CASTOR2: variants seen among roughly 807,000 people sequenced by gnomAD.
CASTOR2 encodes GATS protein like 2.
A neutral mutation model predicts 31.2 loss-of-function variants in CASTOR2; 8 were observed. That is an observed-to-expected ratio of 0.26 (90% confidence interval 0.15 to 0.46). The LOEUF (loss-of-function observed/expected upper bound fraction) is 0.46. Among genes scored for constraint, CASTOR2 ranks in the 20% least tolerant of loss-of-function variants. CASTOR2 has a pLI of 0.99. For missense variants in CASTOR2, 216 were observed against 382.1 expected (o/e 0.57, Z 3.62); for synonymous variants, 162 against 158.7 (o/e 1.02, Z -0.16).
chr7:75,018,862 C>T (rs1804928365), intron 4 of CASTOR2, 110 bp from the exon 5 acceptor site: 5 of 1,524,526 alleles, frequency 3.3e-6, no homozygotes, highest in South Asian at 1.2e-5. Flanking sequence ...GAATGAGTCT[C>T]TTGGGGCCTG....
chr7:75,028,686 G>A lies in CASTOR2; in HGVS notation c.*3987G>A, dbSNP rs1031308266. ...AAGACACCCCTTCCTCCCTCAGCCC[G>A]TCGTCCTAACCCAGCAAAGATCTGG... On this transcript the variant is annotated 3_prime_UTR_variant, in exon 9 of 9. Transcript: ENST00000616305. Among the ~76,000 whole-genome samples, 2 of 152,074 alleles carry A rather than the reference G, an allele frequency of 1.3e-5. No homozygotes were observed. The highest frequency in any genetic ancestry group is 1.9e-4 in the East Asian group (1 of 5,190).
At chr7:74,988,848 A>G (rs1375386892) in intron 1 of CASTOR2, among the ~76,000 whole-genome samples, 9 of 146,404 alleles carry the variant, frequency 6.1e-5, no homozygotes, top group Non-Finnish European at 5.9e-5. Context: ...CGATCTTCTG[A>G]GGCATGCTTT....
At chr7:75,012,761 C>A (rs2131949679) in intron 2 of CASTOR2, among the ~76,000 whole-genome samples, 1 of 152,166 alleles carries the variant, frequency 6.6e-6, no homozygotes, top group East Asian at 1.9e-4. Context: ...GCCTCAGCCT[C>A]CTGAGTAGTT....
chr7:75,022,698 C>A (rs1805034004), intron 7 of CASTOR2, among the ~76,000 whole-genome samples: 1 of 152,156 alleles, frequency 6.6e-6, no homozygotes, highest in Non-Finnish European at 1.5e-5. Context: ...ACTCAGGAGG[C>A]TGAGATGGGA....
rs1805286778 is a variant in CASTOR2, at chr7:75,031,020, G to A, written c.*6321G>A. ...CAGGTCCCAAGACAGGCCAAGGCCAGTGCGGTTTCCCTTCCACTGCCTCAG... is the reference window on the plus strand; with the variant it reads ...CAGGTCCCAAGACAGGCCAAGGCCAATGCGGTTTCCCTTCCACTGCCTCAG... On this transcript the variant is annotated 3_prime_UTR_variant, in exon 9 of 9. Transcript: ENST00000616305. Among the ~76,000 whole-genome samples the A allele has an allele frequency of 6.6e-6, 1 of 152,262 alleles. No homozygotes were observed. The highest frequency in any genetic ancestry group is 1.5e-5 in the Non-Finnish European group (1 of 68,050).
chr7:74,975,863 T>C (rs1554435659), intron 1 of CASTOR2, among the ~76,000 whole-genome samples: 2 of 133,988 alleles, frequency 1.5e-5, no homozygotes, highest in Non-Finnish European at 3.2e-5. Context: ...CCCAGATCCC[T>C]TGCTCTGTAG....
chr7:75,015,554 G>A (rs1804845315), intron 2 of CASTOR2, among the ~76,000 whole-genome samples: 2 of 152,102 alleles, frequency 1.3e-5, no homozygotes, highest in South Asian at 2.1e-4. Context: ...GTGGGAGTAC[G>A]GGCATGAGCC....
chr7:75,020,281 C>A, intron 6 of CASTOR2, 132 bp downstream of exon 6: 1 of 910,406 alleles, frequency 1.1e-6, no homozygotes, highest in South Asian at 1.6e-5. Context: ...CTCGCTCTGT[C>A]GCCCAGGCTG....
At chr7:75,014,602 A>G (rs1198105043) in intron 2 of CASTOR2, among the ~76,000 whole-genome samples, 2 of 152,080 alleles carry the variant, frequency 1.3e-5, no homozygotes, top group African/African-American at 4.8e-5. Flanking sequence ...TCAAAAAAAA[A>G]GGAAGCAACA....
chr7:74,999,601 C>CTT (rs1158456043), intron 1 of CASTOR2, among the ~76,000 whole-genome samples: 1,901 of 45,710 alleles, frequency 0.042, 644 homozygotes, highest in East Asian at 0.15. Flanking sequence ...TCACTCACTG[C>CTT]TTTTTTTTTT....
rs1225629247 is a variant in CASTOR2 at position 75,017,605 on chromosome 7, C to T, written c.192C>T (p.Pro64=). 2.5e-6 allele frequency: 4 copies of T among 1,613,832 alleles called. No homozygotes were observed. In the African/African-American group the frequency reaches 4.0e-5, roughly 16 times the overall value. ...IVDEEGFLEL[P]SSEHLSVADA... ...TTCTGTGTCTCCCTCCAGAGCTGCCCTCCTCGGAGCACCTGAGTGTGGCAG... is the reference window on the plus strand; with the variant it reads ...TTCTGTGTCTCCCTCCAGAGCTGCCTTCCTCGGAGCACCTGAGTGTGGCAG... The change falls in exon 3 of 9, where the codon CCC becomes CCT. Residue 64 remains proline, a synonymous_variant. Transcript: ENST00000616305.
chr7:75,006,079 G>A (rs2131943308), intron 1 of CASTOR2, among the ~76,000 whole-genome samples: 1 of 152,324 alleles, frequency 6.6e-6, no homozygotes, highest in East Asian at 1.9e-4. Context: ...GCAGTGAGCT[G>A]AGATCATGCC....
At chr7:75,017,963 C>T in intron 3 of CASTOR2, 27 bp from the exon 4 acceptor site, 1 of 1,614,188 alleles carries the variant, frequency 6.2e-7, no homozygotes, top group South Asian at 1.1e-5. Flanking sequence ...CCACCAGGCA[C>T]ACACGGCCTC....
chr7:75,017,558 C>T, intron 2 of CASTOR2, 40 bp from the exon 3 acceptor site: 1 of 1,605,542 alleles, frequency 6.2e-7, no homozygotes, highest in East Asian at 2.2e-5. Flanking sequence ...TCATCTGGAA[C>T]CTCAGCAGTC....
chr7:74,981,666 A>G (rs1325265191), intron 1 of CASTOR2, among the ~76,000 whole-genome samples: 41 of 150,524 alleles, frequency 2.7e-4, no homozygotes, highest in Non-Finnish European at 4.6e-4. Flanking sequence ...GGCTCAGACA[A>G]TTCTCCTACC....
rs1160729242 is a variant in CASTOR2, at chr7:74,977,184, CAAAAAAAAAA to C, written c.113+12097_113+12106del. On this transcript the variant is annotated intron_variant, in intron 1 of 8. Transcript: ENST00000616305. ...GGGTGACAAGAGTGAAACTCCATCTCAAAAAAAAAAAAAAAAAAAACACCTTGTAAAAGGT... is the reference window on the plus strand; with the variant it reads ...GGGTGACAAGAGTGAAACTCCATCTCAAAAAAAAAACACCTTGTAAAAGGT... Among the ~76,000 whole-genome samples, 11 of 36,048 alleles carry C rather than the reference CAAAAAAAAAA, an allele frequency of 3.1e-4. 1 individual carries two copies. Among genetic ancestry groups the C allele is most frequent in the African/African-American group, 1.1e-3 (11 of 9,950 alleles). The allele number at this position is 36,048 out of a possible 152,430, so 23.6% of individuals were successfully genotyped here. A position where few individuals can be genotyped will look rare whatever the true frequency, so the allele number is the denominator to read the frequency against.
chr7:75,018,208 C>T, intron 4 of CASTOR2, 86 bp downstream of exon 4: 1 of 1,555,016 alleles, frequency 6.4e-7, no homozygotes, highest in South Asian at 1.2e-5. Context: ...TCAGCACGGG[C>T]TTCTGCCCAC....
In CASTOR2 at chr7:75,029,532, C is replaced by G. The variant is rs1408990089; in HGVS notation, c.*4833C>G. Among the ~76,000 whole-genome samples, 1 of 151,970 alleles carries G rather than the reference C, an allele frequency of 6.6e-6. No individual in the cohort carries two copies. The highest frequency in any genetic ancestry group is 1.5e-5 in the Non-Finnish European group (1 of 67,976). ...CTAATTTTTGTATTTTTAGTAGAGA[C>G]AGGGTTTCACTATGTTGGCCAGGCT... is the stretch of plus-strand genomic sequence containing the variant. On this transcript the variant is annotated 3_prime_UTR_variant, in exon 9 of 9. Coordinates refer to ENST00000616305, the MANE Select transcript of CASTOR2 (RefSeq NM_001145064.3).
At position 75,028,845 on chromosome 7, in the gene CASTOR2, G is replaced by A. The variant is rs1805217241; in HGVS notation, c.*4146G>A. On this transcript the variant is annotated 3_prime_UTR_variant, in exon 9 of 9. Transcript: ENST00000616305. ...GGAGAGGCTTGCAGGCCTGACCCTG[G>A]TAGCTTCCCCTCCCCAAGATTCAGA... 6.6e-6 allele frequency among the ~76,000 whole-genome samples: 1 copy of A among 152,170 alleles called. No homozygotes were observed. The highest frequency in any genetic ancestry group is 2.4e-5 in the African/African-American group (1 of 41,442).
Sources: allele counts gnomAD v4.1 joint callset (sites outside exome capture counted in the v4.1 genomes callset), GRCh38; gene constraint gnomAD v4.1.1; transcripts MANE v1.5; gene names NCBI Gene and HGNC (gene_info 2026-07-23, HGNC 2026-07-21).